OLIG2: variants seen among roughly 807,000 people sequenced by gnomAD.
The protein encoded by OLIG2 is basic domain, helix-loop-helix protein, class B, 1.
A neutral mutation model predicts 13.4 loss-of-function variants in OLIG2; 12 were observed. The ratio of observed to expected loss-of-function variants is 0.90; its 90% CI spans 0.58 to 1.46. The LOEUF (loss-of-function observed/expected upper bound fraction) is 1.46. OLIG2 is among the 40% of genes most tolerant of loss of function. OLIG2 has a pLI of 0.00. For synonymous variants in OLIG2, 250 were observed against 233.6 expected, an observed-to-expected ratio of 1.07 and a Z score of -0.64; for missense variants, 415 against 487.9, an observed-to-expected ratio of 0.85 and a Z score of 1.41.
chr21:33,027,530 C>G lies in OLIG2; in HGVS notation c.668C>G (p.Pro223Arg). 1 of 1,473,806 alleles carries G rather than the reference C, an allele frequency of 6.8e-7. No individual in the cohort carries two copies. The highest frequency in any genetic ancestry group is 8.9e-7 in the Non-Finnish European group (1 of 1,117,354). 91.3% of individuals were successfully genotyped at this position (1,473,806 alleles called of 1,614,324 possible). A position where few individuals can be genotyped will look rare whatever the true frequency, so the allele number is the denominator to read the frequency against. The change falls in exon 2 of 2, where the codon CCG becomes CGG. Residue 223 changes from proline (P) to arginine (R), a missense_variant. Physicochemically the swap from Pro to Arg is moderately radical, Grantham distance 103 (BLOSUM62 -2). This residue lies in a region of OLIG2 where 243 missense variants were observed against 241.2 expected (regional missense o/e 1.01). Coordinates refer to ENST00000382357, the MANE Select transcript of OLIG2 (RefSeq NM_005806.4). ...CCCGCGGTGCACCACCCCATCCTGC[C>G]GCCCGCCGCCGCAGCGGCTGCTGCC... ...HHPAVHHPIL[P>R]PAAAAAAAAA... is the part of the protein sequence containing the mutation.
chr21:33,027,500 A>G lies in OLIG2; in HGVS notation c.638A>G (p.His213Arg), dbSNP rs1981138851. The change falls in exon 2 of 2, where the codon CAT becomes CGT. Residue 213 changes from histidine (H) to arginine (R), a missense_variant. Physicochemically the swap from His to Arg is conservative, Grantham distance 29. Transcript: ENST00000382357. The stretch of plus-strand genomic sequence containing the variant: ...CCGGCAGCAGCAGCGCACGCCGCAC[A>G]TCACCCCGCGGTGCACCACCCCATC... ...AHPAAAAHAA[H>R]HPAVHHPILP... The G allele has an allele frequency of 1.3e-6, 2 of 1,482,878 alleles. No individual in the cohort carries two copies. Among genetic ancestry groups the G allele is most frequent in the Non-Finnish European group, 1.8e-6 (2 of 1,125,178 alleles). 91.9% of individuals were successfully genotyped at this position (1,482,878 alleles called of 1,614,324 possible). A position where few individuals can be genotyped will look rare whatever the true frequency, so the allele number is the denominator to read the frequency against.
chr21:33,027,186 G>A lies in OLIG2; in HGVS notation c.324G>A (p.Gln108=). Residue 108 remains glutamine, a synonymous_variant, in exon 2 of 2, where the codon CAG becomes CAA. Transcript: ENST00000382357. ...AAATGACAGAGCCGGAGCTGCAGCA[G>A]CTGCGTCTCAAGATCAACAGCCGCG... The part of the protein sequence containing the change: ...KKQMTEPELQ[Q]LRLKINSRER... 6.2e-7 allele frequency: 1 copy of A among 1,611,082 alleles called. No individual in the cohort carries two copies. The highest frequency in any genetic ancestry group is 1.1e-5 in the South Asian group (1 of 90,466).
rs958366463 is a variant in OLIG2, at chr21:33,029,162, T to G, written c.*1328T>G. ...TGGTTGCAAAAACGGAATAAATGACTGAGTGTTGAGATTTTAAATAAAATT... is the reference window on the plus strand; with the variant it reads ...TGGTTGCAAAAACGGAATAAATGACGGAGTGTTGAGATTTTAAATAAAATT... On this transcript the variant is annotated 3_prime_UTR_variant, in exon 2 of 2. Coordinates refer to ENST00000382357, the MANE Select transcript of OLIG2 (RefSeq NM_005806.4). The G allele has an allele frequency of 9.8e-6, 2 of 203,110 alleles. No homozygotes were observed. Among genetic ancestry groups the G allele is most frequent in the African/African-American group, 4.7e-5 (2 of 42,794 alleles). The allele number at this position is 203,110 out of a possible 1,614,324, so 12.6% of individuals were successfully genotyped here.
In OLIG2 at chr21:33,027,054, G is replaced by A. The variant is rs142050633; in HGVS notation, c.192G>A (p.Ala64=). 1.2e-5 allele frequency: 19 copies of A among 1,611,352 alleles called. No homozygotes were observed. The South Asian group carries it at 1.8e-4, about 15-fold the overall frequency. The change falls in exon 2 of 2, where the codon GCG becomes GCA. Residue 64 remains alanine, a synonymous_variant. Transcript: ENST00000382357. ...ELRGAMGSAG[A]HPGDKLGGSG... is the part of the protein sequence containing the mutation. ...GCGGCGCTATGGGCTCTGCGGGCGC[G>A]CATCCTGGGGACAAGCTAGGAGGCA...
chr21:33,026,893 C>A lies in OLIG2; in HGVS notation c.31C>A (p.Arg11Ser). 3 of 1,610,944 alleles carry A rather than the reference C, an allele frequency of 1.9e-6. No homozygotes were observed. Among genetic ancestry groups the A allele is most frequent in the Non-Finnish European group, 2.5e-6 (3 of 1,179,994 alleles). MDSDASLVSS[R>S]PSSPEPDDLF... is the part of the protein sequence containing the mutation. ...CTCGGACGCCAGCCTGGTGTCCAGC[C>A]GCCCGTCGTCGCCAGAGCCCGATGA... is the stretch of plus-strand genomic sequence containing the variant. Residue 11 changes from arginine (R) to serine (S), a missense_variant, in exon 2 of 2, where the codon CGC (arginine) becomes AGC (serine). Coordinates refer to ENST00000382357, the MANE Select transcript of OLIG2 (RefSeq NM_005806.4). This position sits in a 1 kb window ranked among gnomAD's most constrained non-coding sequence, Gnocchi z 6.6.
At position 33,027,912 on chromosome 21, in the gene OLIG2, C is replaced by A; in HGVS notation, c.*78C>A. 1 of 1,312,068 alleles carries A rather than the reference C, an allele frequency of 7.6e-7. No individual in the cohort carries two copies. Among genetic ancestry groups the A allele is most frequent in the Non-Finnish European group, 9.7e-7 (1 of 1,026,468 alleles). 81.3% of individuals were successfully genotyped at this position (1,312,068 alleles called of 1,614,324 possible). A position where few individuals can be genotyped will look rare whatever the true frequency, so the allele number is the denominator to read the frequency against. On this transcript the variant is annotated 3_prime_UTR_variant, in exon 2 of 2. Transcript: ENST00000382357. ...AGCGAGGACTGGCCTGCGCTGGGCT[C>A]GGGAGCTCTGTCGCGAGGAGGGGCG...
chr21:33,027,812 G>T lies in OLIG2; in HGVS notation c.950G>T (p.Arg317Leu). The T allele has an allele frequency of 1.4e-6, 2 of 1,424,258 alleles. No homozygotes were observed. The highest frequency in any genetic ancestry group is 1.8e-6 in the Non-Finnish European group (2 of 1,096,208). 88.2% of individuals were successfully genotyped at this position (1,424,258 alleles called of 1,614,324 possible). The change falls in exon 2 of 2, where the codon CGC (arginine) becomes CTC (leucine). Residue 317 changes from arginine to leucine, a missense_variant. Arg to Leu is a moderately radical substitution (Grantham distance 102). Around this residue, in one of 3 missense-constraint regions of OLIG2, gnomAD observed 243 missense variants for 241.2 expected, o/e 1.01. Coordinates refer to ENST00000382357, the MANE Select transcript of OLIG2 (RefSeq NM_005806.4). The stretch of plus-strand genomic sequence containing the variant: ...GCTATGGGCGCCGGCAGCCTGCCGC[G>T]CCTCACCTCCGACGCCAAGTGAGCC... Reference protein sequence around the residue: ...VSAMGAGSLPRLTSDAK With the variant: ...VSAMGAGSLPLLTSDAK
chr21:33,027,525 C>CCTGCCGCCCGCCGCCGCAGCGGCTG lies in OLIG2; in HGVS notation c.672_696dup (p.Ala233ArgfsTer215). 6.8e-7 allele frequency: 1 copy of CCTGCCGCCCGCCGCCGCAGCGGCTG among 1,474,824 alleles called. No individual in the cohort carries two copies. Among genetic ancestry groups the CCTGCCGCCCGCCGCCGCAGCGGCTG allele is most frequent in the Non-Finnish European group, 8.9e-7 (1 of 1,117,996 alleles). 91.4% of individuals were successfully genotyped at this position (1,474,824 alleles called of 1,614,324 possible). A position where few individuals can be genotyped will look rare whatever the true frequency, so the allele number is the denominator to read the frequency against. ...ATCACCCCGCGGTGCACCACCCCAT[C>CCTGCCGCCCGCCGCCGCAGCGGCTG]CTGCCGCCCGCCGCCGCAGCGGCTG... On this transcript the variant is annotated frameshift_variant, in exon 2 of 2. Transcript: ENST00000382357. LOFTEE classifies it high-confidence loss of function.
In OLIG2 at chr21:33,026,737, ACTCTCTCTCTCTCTCCCT is replaced by A. The variant is rs1981086717; in HGVS notation, c.-62-50_-62-33del. The A allele has an allele frequency of 1.8e-6, 2 of 1,102,604 alleles. No homozygotes were observed. The highest frequency in any genetic ancestry group is 2.5e-6 in the Non-Finnish European group (2 of 800,906). 68.3% of individuals were successfully genotyped at this position (1,102,604 alleles called of 1,614,324 possible). A position where few individuals can be genotyped will look rare whatever the true frequency, so the allele number is the denominator to read the frequency against. On this transcript the variant is annotated intron_variant, in intron 1 of 1. Coordinates refer to ENST00000382357, the MANE Select transcript of OLIG2 (RefSeq NM_005806.4). This position sits in a 1 kb window ranked among gnomAD's most constrained non-coding sequence, Gnocchi z 6.6. The stretch of plus-strand genomic sequence containing the variant: ...CAGCTTTTCTGTCTCTCACTGACTC[ACTCTCTCTCTCTCTCCCT>A]CTCTCTCTCTCTCATTCTCTCTCTT...
rs772279504 is a variant in OLIG2, at chr21:33,026,607, C to A, written c.-62-194C>A. On this transcript the variant is annotated intron_variant, in intron 1 of 1. Transcript: ENST00000382357. The surrounding 1 kb of genome is among the most constrained non-coding windows in gnomAD (Gnocchi z 6.6). ...TAGAGAGAGCTTAATTATAGGTACC[C>A]GCGTGCAGCTAAAAGGAGGGCCAGA... 1 of 561,656 alleles carries A rather than the reference C, an allele frequency of 1.8e-6. No individual in the cohort carries two copies. The highest frequency in any genetic ancestry group is 2.1e-5 in the South Asian group (1 of 46,860). The allele number at this position is 561,656 out of a possible 1,614,324, so 34.8% of individuals were successfully genotyped here.
In OLIG2 at chr21:33,026,856, T is replaced by C. The variant is rs1601712838; in HGVS notation, c.-7T>C. On this transcript the variant is annotated 5_prime_UTR_variant, in exon 2 of 2. Transcript: ENST00000382357. The surrounding 1 kb of genome is among the most constrained non-coding windows in gnomAD (Gnocchi z 6.6). ...GAAAGCTGCGACGACTATCTTCCCC[T>C]GGGGCCATGGACTCGGACGCCAGCC... 1 of 1,608,242 alleles carries C rather than the reference T, an allele frequency of 6.2e-7. No individual in the cohort carries two copies. Among genetic ancestry groups the C allele is most frequent in the Non-Finnish European group, 8.5e-7 (1 of 1,179,780 alleles).
At position 33,026,563 on chromosome 21, in the gene OLIG2, C is replaced by A. The variant is rs1298767672; in HGVS notation, c.-62-238C>A. ...CAACGCTCCCTGAAATAACCTGTTG[C>A]ATGAGAGCAGAGGGGAGATAGAGAG... is the stretch of plus-strand genomic sequence containing the variant. On this transcript the variant is annotated intron_variant, in intron 1 of 1. Coordinates refer to ENST00000382357, the MANE Select transcript of OLIG2 (RefSeq NM_005806.4). This position sits in a 1 kb window ranked among gnomAD's most constrained non-coding sequence, Gnocchi z 6.6. The A allele has an allele frequency of 1.4e-5, 6 of 420,004 alleles. No homozygotes were observed. Among genetic ancestry groups the A allele is most frequent in the Non-Finnish European group, 2.6e-5 (6 of 231,972 alleles). 26.0% of individuals were successfully genotyped at this position (420,004 alleles called of 1,614,324 possible). A position where few individuals can be genotyped will look rare whatever the true frequency, so the allele number is the denominator to read the frequency against.
chr21:33,027,678 G>T lies in OLIG2; in HGVS notation c.816G>T (p.Leu272=), dbSNP rs1009728018. The part of the protein sequence containing the change: ...KSPSAAAAAP[L]GGGGGGSGAS... Reference sequence around the variant, plus strand: ...CGTCTGCTGCCGCGGCCGCCCCGCTGGGGGGCGGGGGCGGCGGCAGTGGGG... The same window carrying T: ...CGTCTGCTGCCGCGGCCGCCCCGCTTGGGGGCGGGGGCGGCGGCAGTGGGG... Residue 272 remains leucine (L), a synonymous_variant, in exon 2 of 2, where the codon CTG becomes CTT. Coordinates refer to ENST00000382357, the MANE Select transcript of OLIG2 (RefSeq NM_005806.4). 1.2e-5 allele frequency: 16 copies of T among 1,374,310 alleles called. No individual in the cohort carries two copies. The highest frequency in any genetic ancestry group is 4.6e-5 in the African/African-American group (3 of 65,214). 85.1% of individuals were successfully genotyped at this position (1,374,310 alleles called of 1,614,324 possible). A position where few individuals can be genotyped will look rare whatever the true frequency, so the allele number is the denominator to read the frequency against.
rs1601713390 is a variant in OLIG2, at chr21:33,027,423, G to A, written c.561G>A (p.Ser187=). 1 of 1,540,510 alleles carries A rather than the reference G, an allele frequency of 6.5e-7. No individual in the cohort carries two copies. The highest frequency in any genetic ancestry group is 8.7e-7 in the Non-Finnish European group (1 of 1,145,726). Residue 187 remains serine, a synonymous_variant, in exon 2 of 2, where the codon TCG becomes TCA. Transcript: ENST00000382357. ...GCCACCACGCTGGCTTCCACCCGTC[G>A]GCCTGCGGCGGCCTGGCGCACTCCG... ...YGGHHAGFHP[S]ACGGLAHSAP... is the part of the protein sequence containing the mutation.
Position 33,027,096 on chromosome 21 carries a change from C to T in OLIG2, c.234C>T (p.Ser78=), listed in dbSNP as rs750279420. ...DKLGGSGFKS[S]SSSTSSSTSS... ...TAGGAGGCAGTGGCTTCAAGTCATCCTCGTCCAGCACCTCGTCGTCTACGT... is the reference window on the plus strand; with the variant it reads ...TAGGAGGCAGTGGCTTCAAGTCATCTTCGTCCAGCACCTCGTCGTCTACGT... The change falls in exon 2 of 2, where the codon TCC becomes TCT. Residue 78 remains serine (S), a synonymous_variant. Transcript: ENST00000382357. 2.0e-5 allele frequency: 33 copies of T among 1,611,416 alleles called. No homozygotes were observed. The highest frequency in any genetic ancestry group is 2.6e-5 in the Non-Finnish European group (31 of 1,179,056).
At position 33,026,855 on chromosome 21, in the gene OLIG2, C is replaced by T. The variant is rs1981093829; in HGVS notation, c.-8C>T. ...CGAAAGCTGCGACGACTATCTTCCC[C>T]TGGGGCCATGGACTCGGACGCCAGC... On this transcript the variant is annotated 5_prime_UTR_variant, in exon 2 of 2. Coordinates refer to ENST00000382357, the MANE Select transcript of OLIG2 (RefSeq NM_005806.4). This position sits in a 1 kb window ranked among gnomAD's most constrained non-coding sequence, Gnocchi z 6.6. 3 of 1,608,102 alleles carry T rather than the reference C, an allele frequency of 1.9e-6. No homozygotes were observed. Among genetic ancestry groups the T allele is most frequent in the African/African-American group, 1.3e-5 (1 of 74,930 alleles).
Position 33,026,753 on chromosome 21 carries a change from C to CT in OLIG2, c.-62-48_-62-47insT. 3 of 1,041,206 alleles carry CT rather than the reference C, an allele frequency of 2.9e-6. No homozygotes were observed. The highest frequency in any genetic ancestry group is 2.2e-5 in the African/African-American group (1 of 46,364). 64.5% of individuals were successfully genotyped at this position (1,041,206 alleles called of 1,614,324 possible). Reference sequence around the variant, plus strand: ...CACTGACTCACTCTCTCTCTCTCTCCCTCTCTCTCTCTCTCATTCTCTCTC... The same window carrying CT: ...CACTGACTCACTCTCTCTCTCTCTCCTCTCTCTCTCTCTCTCATTCTCTCTC... On this transcript the variant is annotated intron_variant, in intron 1 of 1. Transcript: ENST00000382357. The surrounding 1 kb of genome is among the most constrained non-coding windows in gnomAD (Gnocchi z 6.6).
Position 33,027,850 on chromosome 21 carries a change from C to A in OLIG2, c.*16C>A. ...CGCCAAGTGAGCCGACTGGCGCCGG[C>A]GCGTTCTGGCGACAGGGGAGCCAGG... is the stretch of plus-strand genomic sequence containing the variant. On this transcript the variant is annotated 3_prime_UTR_variant, in exon 2 of 2. Transcript: ENST00000382357. The A allele has an allele frequency of 7.3e-7, 1 of 1,373,064 alleles. No homozygotes were observed. Among genetic ancestry groups the A allele is most frequent in the East Asian group, 3.1e-5 (1 of 32,352 alleles). The allele number at this position is 1,373,064 out of a possible 1,614,324, so 85.1% of individuals were successfully genotyped here. A position where few individuals can be genotyped will look rare whatever the true frequency, so the allele number is the denominator to read the frequency against.
At position 33,027,459 on chromosome 21, in the gene OLIG2, C is replaced by A; in HGVS notation, c.597C>A (p.Pro199=). ...CGGLAHSAPL[P]AATAHPAAAA... ...GCCTGGCGCACTCCGCGCCCCTGCC[C>A]GCCGCCACCGCGCACCCGGCAGCAG... The change falls in exon 2 of 2, where the codon CCC becomes CCA. Residue 199 remains proline (P), a synonymous_variant. Transcript: ENST00000382357. 3.4e-6 allele frequency: 5 copies of A among 1,489,938 alleles called. No individual in the cohort carries two copies. The highest frequency in any genetic ancestry group is 4.4e-6 in the Non-Finnish European group (5 of 1,128,838). 92.3% of individuals were successfully genotyped at this position (1,489,938 alleles called of 1,614,324 possible). A position where few individuals can be genotyped will look rare whatever the true frequency, so the allele number is the denominator to read the frequency against.
Sources: gnomAD v4.1 joint callset for allele counts on GRCh38, gnomAD v4.1.1 for gene constraint, gnomAD v4.1.1 regional missense constraint, Gnocchi (gnomAD v3.1) non-coding constraint, MANE v1.5 for transcripts, NCBI Gene and HGNC (gene_info 2026-07-23, HGNC 2026-07-21) for gene names.